BOP1: variants seen among roughly 807,000 people sequenced by gnomAD.
BOP1 encodes the protein ribosome biogenesis protein BOP1.
In BOP1, 54 loss-of-function variants were observed where a neutral mutation model predicts 82.9. The observed-to-expected ratio is 0.65, with a 90% CI of 0.52 to 0.82. The LOEUF (loss-of-function observed/expected upper bound fraction) is 0.82, where lower values mean the gene tolerates loss of function less well. BOP1 is among the 40% of genes least tolerant of loss of function. The pLI, the probability that BOP1 is intolerant of heterozygous loss-of-function variation, is 0.00. For synonymous variants in BOP1, 566 were observed against 451.1 expected (o/e 1.25, Z -3.23); for missense variants, 1,170 against 1,072.0 (o/e 1.09, Z -1.28).
rs1033770443 is a variant in BOP1 at position 144,262,923 on chromosome 8, C to T, written c.1824G>A (p.Leu608=). 3.2e-6 allele frequency: 5 copies of T among 1,549,966 alleles called. No homozygotes were observed. The African/African-American group carries it at 6.8e-5, about 21-fold the overall frequency. The change falls in exon 13 of 16, where the codon CTG becomes CTA. Residue 608 remains leucine (L), a synonymous_variant. Coordinates refer to ENST00000569669, the MANE Select transcript of BOP1 (RefSeq NM_015201.5). ...TCAGCTTCTTGGTGAGCTCCTGGCG[C>T]AGCAGGTGGTAGAGGCGGACGCTGC... ...SQRSVRLYHL[L]RQELTKKLMP...
At chr8:144,274,784 G>A in intron 3 of BOP1, among the ~76,000 whole-genome samples, 1 of 152,220 alleles carries the variant, frequency 6.6e-6, no homozygotes, top group South Asian at 2.1e-4. Context: ...GGGGCAGCAG[G>A]GTCCCACAGG....
At chr8:144,263,642 G>A in intron 10 of BOP1, 32 bp from the exon 11 acceptor site, 2 of 1,606,592 alleles carry the variant, frequency 1.2e-6, no homozygotes, top group Non-Finnish European at 1.7e-6. Context: ...CTCAACACCT[G>A]GCCATCCCAC....
chr8:144,283,894 G>T (rs1814786954), intron 2 of BOP1, among the ~76,000 whole-genome samples: 1 of 152,206 alleles, frequency 6.6e-6, no homozygotes. Flanking sequence ...AAGACAGGTG[G>T]ATTACCTGAG....
In BOP1 at chr8:144,291,262, CCA is replaced by C. The variant is rs781910200; in HGVS notation, c.99+8_99+9del. 8.2e-6 allele frequency: 12 copies of C among 1,454,946 alleles called. No individual in the cohort carries two copies. The highest frequency in any genetic ancestry group is 9.9e-6 in the Non-Finnish European group (11 of 1,105,864). The allele number at this position is 1,454,946 out of a possible 1,614,324, so 90.1% of individuals were successfully genotyped here. ...GGACGCGCCCCGCCGCCCCGCATCGCCACAGTCACCTCCGGCTCGGGCTCAGG... is the reference window on the plus strand; with the variant it reads ...GGACGCGCCCCGCCGCCCCGCATCGCCAGTCACCTCCGGCTCGGGCTCAGG... On this transcript the variant is annotated splice_region_variant and intron_variant, in intron 1 of 15. Transcript: ENST00000569669. The surrounding 1 kb of genome is among the most constrained non-coding windows in gnomAD (Gnocchi z 4.1).
In BOP1 at chr8:144,263,247, G is replaced by A; in HGVS notation, c.1579C>T (p.Leu527=). 4 of 1,594,956 alleles carry A rather than the reference G, an allele frequency of 2.5e-6. No individual in the cohort carries two copies. The highest frequency in any genetic ancestry group is 2.2e-4 in the Middle Eastern group (1 of 4,486). ...EASEEERQVG[L]RLRICHGKPV... ...TTCCCGTGGCAGATGCGCAGCCGCA[G>A]GCCCACTTGGCGCTCCTCCTCTGAG... Residue 527 remains leucine, a synonymous_variant, in exon 12 of 16, where the codon CTG becomes TTG. Coordinates refer to ENST00000569669, the MANE Select transcript of BOP1 (RefSeq NM_015201.5).
intron 2 of BOP1, among the ~76,000 whole-genome samples, chr8:144,288,650 G>A (rs1277231241): frequency 3.3e-5 from 5 of 152,362 alleles, no homozygotes; most frequent in East Asian, 1.9e-4. Context: ...CAGGTACAAT[G>A]TTAAACCCTC....
intron 3 of BOP1, chr8:144,268,459 A>T (rs1273274775): frequency 1.9e-6 from 1 of 523,232 alleles, no homozygotes; most frequent in African/African-American, 1.9e-5. Flanking sequence ...TGTATAATTA[A>T]AAACAAAACA....
intron 2 of BOP1, among the ~76,000 whole-genome samples, chr8:144,276,770 C>T (rs1280186721): frequency 1.1e-4 from 16 of 152,322 alleles, no homozygotes; most frequent in Middle Eastern, 3.4e-3. Flanking sequence ...ACGCAGCCGT[C>T]GCAGCAGGGT....
intron 3 of BOP1, among the ~76,000 whole-genome samples, chr8:144,270,646 C>T (rs762393859): frequency 5.9e-5 from 9 of 152,096 alleles, no homozygotes; most frequent in African/African-American, 2.2e-4. Flanking sequence ...CAAACCAGAC[C>T]GGGGGTGGCG....
At chr8:144,276,740 T>G (rs1022628757) in intron 2 of BOP1, among the ~76,000 whole-genome samples, 2 of 152,130 alleles carry the variant, frequency 1.3e-5, no homozygotes, top group Admixed American at 1.3e-4. Context: ...GGGGGCAGCA[T>G]GGTCGGGGGG....
intron 3 of BOP1, among the ~76,000 whole-genome samples, 159 bp downstream of exon 3, chr8:144,276,065 G>C (rs112314769): frequency 2.6e-5 from 4 of 152,300 alleles, no homozygotes; most frequent in African/African-American, 9.6e-5. Flanking sequence ...TTGCAGATGG[G>C]GAAGCAGGAC....
intron 3 of BOP1, chr8:144,268,042 A>G: frequency 6.5e-7 from 1 of 1,548,770 alleles, no homozygotes; most frequent in Non-Finnish European, 8.7e-7. Context: ...CAGGGAGGCC[A>G]GAGAGGCGCA....
chr8:144,286,399 G>A (rs941569499), intron 2 of BOP1, among the ~76,000 whole-genome samples: 163 of 146,076 alleles, frequency 1.1e-3, no homozygotes, highest in Non-Finnish European at 1.9e-3. Context: ...GTGCATGGGC[G>A]CCACGGCAGG....
At chr8:144,278,406 AG>A (rs1845608320) in intron 2 of BOP1, among the ~76,000 whole-genome samples, 1 of 152,204 alleles carries the variant, frequency 6.6e-6, no homozygotes, top group African/African-American at 2.4e-5. Context: ...CAAGCGCATG[AG>A]CCCCCTATTG....
At chr8:144,278,539 G>A (rs1439205455) in intron 2 of BOP1, among the ~76,000 whole-genome samples, 1 of 152,248 alleles carries the variant, frequency 6.6e-6, no homozygotes, top group Non-Finnish European at 1.5e-5. Flanking sequence ...CGACAGAGCT[G>A]CGGTGTCCCG....
intron 2 of BOP1, among the ~76,000 whole-genome samples, chr8:144,279,693 C>G (rs1370969539): frequency 6.6e-6 from 1 of 152,212 alleles, no homozygotes; most frequent in Non-Finnish European, 1.5e-5. Flanking sequence ...CGCCGCAAAT[C>G]TGGGTGGGCT....
rs982255349 is a variant in BOP1, at chr8:144,262,632, C to T, written c.1935G>A (p.Val645=). Residue 645 remains valine, a synonymous_variant, in exon 14 of 16, where the codon GTG becomes GTA. Transcript: ENST00000569669. ...VICGSYDSKL[V]WFDLDLSTKP... is the part of the protein sequence containing the mutation. The stretch of plus-strand genomic sequence containing the variant: ...TGGTGGAAAGATCCAGGTCAAACCA[C>T]ACCAGCTTGCTATCGTAGCTCCCAC... 6.5e-5 allele frequency: 105 copies of T among 1,613,372 alleles called. No homozygotes were observed. In the African/African-American group the frequency reaches 1.2e-3, roughly 18 times the overall value.
intron 3 of BOP1, chr8:144,268,357 G>A: frequency 1.6e-6 from 1 of 631,702 alleles, no homozygotes; most frequent in Non-Finnish European, 2.7e-6. Context: ...ACCTGCCCGG[G>A]CCCACTGGAA....
rs1845319219 is a variant in BOP1 at position 144,264,842 on chromosome 8, C to T, written c.546-11G>A. On this transcript the variant is annotated splice_polypyrimidine_tract_variant and intron_variant, in intron 4 of 15. Transcript: ENST00000569669. ...TCCTGCACGGTGCGCCTGGAGACCG[C>T]CAGTCAGACCCCGCCAGCCCTGCCC... The T allele has an allele frequency of 1.2e-5, 19 of 1,608,742 alleles. No individual in the cohort carries two copies. Among genetic ancestry groups the T allele is most frequent in the Non-Finnish European group, 1.4e-5 (17 of 1,179,080 alleles).
Sources: allele counts gnomAD v4.1 joint callset (sites outside exome capture counted in the v4.1 genomes callset), GRCh38; gene constraint gnomAD v4.1.1; non-coding constraint Gnocchi (gnomAD v3.1); transcripts MANE v1.5; gene names NCBI Gene and HGNC (gene_info 2026-07-23, HGNC 2026-07-21).